Variants in VAT1L observed in about 807,000 individuals in gnomAD.
The protein encoded by VAT1L is putative NADPH-dependent quinone oxidoreductase VAT1L.
A neutral mutation model predicts 44.1 loss-of-function variants in VAT1L; 34 were observed. The ratio of observed to expected loss-of-function variants is 0.77; its 90% CI spans 0.59 to 1.03. The LOEUF is 1.03. Ranked by LOEUF, VAT1L falls within the 50% of genes least tolerant of loss-of-function variation. The pLI, the probability that VAT1L is intolerant of heterozygous loss-of-function variation, is 0.00. For missense variants in VAT1L, 615 were observed against 538.8 expected, an observed-to-expected ratio of 1.14 and a Z score of -1.40; for synonymous variants, 253 against 202.2, an observed-to-expected ratio of 1.25 and a Z score of -2.13.
At position 77,978,384 on chromosome 16, in the gene VAT1L, C is replaced by T. The variant is rs962025437; in HGVS notation, c.*689C>T. The T allele has an allele frequency of 1.3e-5, 2 of 152,230 alleles. No homozygotes were observed. The highest frequency in any genetic ancestry group is 4.8e-5 in the African/African-American group (2 of 41,442). The allele number at this position is 152,230 out of a possible 1,614,324, so 9.4% of individuals were successfully genotyped here. A position where few individuals can be genotyped will look rare whatever the true frequency, so the allele number is the denominator to read the frequency against. On this transcript the variant is annotated 3_prime_UTR_variant, in exon 9 of 9. Coordinates refer to ENST00000302536, the MANE Select transcript of VAT1L (RefSeq NM_020927.3). Reference sequence around the variant, plus strand: ...TGGGTCAACAGCATGAGTTTGAGGACCTGCTGTGAAGATTTCTCCTCCAAA... The same window carrying T: ...TGGGTCAACAGCATGAGTTTGAGGATCTGCTGTGAAGATTTCTCCTCCAAA...
At chr16:77,906,883 C>T (rs1291498394) in intron 7 of VAT1L, among the ~76,000 whole-genome samples, 2 of 150,288 alleles carry the variant, frequency 1.3e-5, no homozygotes, top group Non-Finnish European at 3.0e-5. Context: ...GCCCTGGCAA[C>T]AGCAGCTAGG....
At chr16:77,880,407 G>T (rs575407303) in intron 6 of VAT1L, among the ~76,000 whole-genome samples, 1 of 152,096 alleles carries the variant, frequency 6.6e-6, no homozygotes, top group South Asian at 2.1e-4. Flanking sequence ...CAATCCGCTT[G>T]CCTCAGCCTC....
intron 7 of VAT1L, among the ~76,000 whole-genome samples, chr16:77,961,323 A>C (rs1214666437): frequency 2.6e-5 from 4 of 152,016 alleles, no homozygotes; most frequent in Non-Finnish European, 5.9e-5. Flanking sequence ...AACCCTCTCT[A>C]AATCACCATG....
At chr16:77,926,564 C>G (rs2017671509) in intron 7 of VAT1L, among the ~76,000 whole-genome samples, 1 of 152,070 alleles carries the variant, frequency 6.6e-6, no homozygotes, top group Admixed American at 6.6e-5. Flanking sequence ...GCCTGGGTGA[C>G]AGAGCAAGAC....
chr16:77,940,235 C>T (rs2017862963), intron 7 of VAT1L, among the ~76,000 whole-genome samples: 1 of 151,854 alleles, frequency 6.6e-6, no homozygotes, highest in African/African-American at 2.4e-5. Context: ...CCACCATGGC[C>T]AATTTCAAGC....
intron 1 of VAT1L, among the ~76,000 whole-genome samples, chr16:77,807,836 A>G (rs1450582523): frequency 6.6e-6 from 1 of 152,164 alleles, no homozygotes; most frequent in African/African-American, 2.4e-5. Context: ...AGGTCAAGCA[A>G]CCCACTTGAG....
intron 1 of VAT1L, among the ~76,000 whole-genome samples, chr16:77,805,606 C>G (rs2016141684): frequency 6.6e-6 from 1 of 151,978 alleles, no homozygotes. Context: ...TTGCTTCTGC[C>G]CGGAGCTGGC....
At chr16:77,888,740 G>A (rs940011442) in intron 7 of VAT1L, among the ~76,000 whole-genome samples, 6 of 152,200 alleles carry the variant, frequency 3.9e-5, no homozygotes, top group Admixed American at 1.3e-4. Flanking sequence ...ATTGTCAAAT[G>A]TCTCCTGGGT....
At chr16:77,800,669 T>C (rs1005998443) in intron 1 of VAT1L, 1 of 152,188 alleles carries the variant, frequency 6.6e-6, no homozygotes, top group Admixed American at 6.5e-5. Context: ...TTTCTCCCTG[T>C]TCCAGATAGA....
intron 3 of VAT1L, among the ~76,000 whole-genome samples, chr16:77,834,667 G>A (rs1206271601): frequency 1.3e-5 from 2 of 151,740 alleles, no homozygotes; most frequent in Non-Finnish European, 2.9e-5. Context: ...TGAGCTTTAT[G>A]TGAGCAAGGG....
intron 7 of VAT1L, among the ~76,000 whole-genome samples, chr16:77,921,489 G>C (rs2017611405): frequency 6.6e-6 from 1 of 152,102 alleles, no homozygotes; most frequent in African/African-American, 2.4e-5. Context: ...CTGATCTTCT[G>C]GGGACCACAG....
intron 7 of VAT1L, among the ~76,000 whole-genome samples, chr16:77,926,539 G>A (rs1325339312): frequency 1.3e-5 from 2 of 152,068 alleles, no homozygotes; most frequent in Non-Finnish European, 2.9e-5. Flanking sequence ...AGCTGAGACT[G>A]CACCATGCAC....
rs750668072 is a variant in VAT1L, at chr16:77,977,906, A to G, written c.*211A>G. 3 of 531,872 alleles carry G rather than the reference A, an allele frequency of 5.6e-6. No individual in the cohort carries two copies. The highest frequency in any genetic ancestry group is 3.1e-5 in the Admixed American group (1 of 31,932). 32.9% of individuals were successfully genotyped at this position (531,872 alleles called of 1,614,324 possible). ...TATTATGTCCCTCTCCTATCTGTGTATTACACATTCCCCTCTCCCCTGTAT... is the reference window on the plus strand; with the variant it reads ...TATTATGTCCCTCTCCTATCTGTGTGTTACACATTCCCCTCTCCCCTGTAT... On this transcript the variant is annotated 3_prime_UTR_variant, in exon 9 of 9. Coordinates refer to ENST00000302536, the MANE Select transcript of VAT1L (RefSeq NM_020927.3).
chr16:77,965,618 C>T (rs983631288), intron 7 of VAT1L, among the ~76,000 whole-genome samples: 2 of 152,194 alleles, frequency 1.3e-5, no homozygotes, highest in Non-Finnish European at 1.5e-5. Context: ...TGGCCAGCCA[C>T]GCAGCTGGCC....
At chr16:77,939,101 G>C (rs1175083063) in intron 7 of VAT1L, among the ~76,000 whole-genome samples, 1 of 152,224 alleles carries the variant, frequency 6.6e-6, no homozygotes, top group East Asian at 1.9e-4. Flanking sequence ...TTAGTTCCTA[G>C]GTACTCCACC....
chr16:77,922,054 T>C (rs1486236786), intron 7 of VAT1L, among the ~76,000 whole-genome samples: 1 of 152,192 alleles, frequency 6.6e-6, no homozygotes, highest in Admixed American at 6.5e-5. Flanking sequence ...TAGCCACATA[T>C]ACTTTAGAAA....
chr16:77,831,395 T>C (rs17703615), intron 3 of VAT1L, among the ~76,000 whole-genome samples: 15,142 of 152,142 alleles, frequency 0.1, 875 homozygotes, highest in South Asian at 0.19. Flanking sequence ...AGTGGCTGAA[T>C]AAATGTTTAT....
At chr16:77,913,050 AT>A (rs1179364206) in intron 7 of VAT1L, among the ~76,000 whole-genome samples, 1 of 151,994 alleles carries the variant, frequency 6.6e-6, no homozygotes, top group Non-Finnish European at 1.5e-5. Context: ...CAACATATGC[AT>A]TTGCGGGGGT....
At chr16:77,792,783 T>G (rs1387056616) in intron 1 of VAT1L, among the ~76,000 whole-genome samples, 1 of 152,194 alleles carries the variant, frequency 6.6e-6, no homozygotes, top group South Asian at 2.1e-4. Flanking sequence ...GTTAAAAACA[T>G]GTTAACAAAC....
Sources: allele counts gnomAD v4.1 joint callset (sites outside exome capture counted in the v4.1 genomes callset), GRCh38; gene constraint gnomAD v4.1.1; transcripts MANE v1.5; gene names NCBI Gene and HGNC (gene_info 2026-07-23, HGNC 2026-07-21).